Variants in BTBD9 observed in about 807,000 individuals in gnomAD.
BTBD9 encodes the protein BTB domain containing 9, also known as BTB/POZ domain-containing protein 9.
Under a neutral mutation model 64.3 loss-of-function variants are expected in BTBD9, and 49 were observed. That is an observed-to-expected ratio of 0.76 (90% CI 0.61 to 0.97). The LOEUF (loss-of-function observed/expected upper bound fraction) is 0.97. Among genes scored for constraint, BTBD9 ranks in the 50% least tolerant of loss-of-function variants. BTBD9 has a pLI of 0.00. For missense variants in BTBD9, 598 were observed against 762.1 expected, an observed-to-expected ratio of 0.78 and a Z score of 2.53; for synonymous variants, 260 against 274.7, an observed-to-expected ratio of 0.95 and a Z score of 0.53.
chr6:38,592,310 G>C (rs1028887440), intron 4 of BTBD9, among the ~76,000 whole-genome samples: 1 of 152,138 alleles, frequency 6.6e-6, no homozygotes, highest in Non-Finnish European at 1.5e-5. Flanking sequence ...TTAGGAAAGT[G>C]TCCATTTCTG....
At chr6:38,220,730 C>T (rs1421804582) in intron 9 of BTBD9, among the ~76,000 whole-genome samples, 1 of 152,216 alleles carries the variant, frequency 6.6e-6, no homozygotes. Flanking sequence ...AAGAGCCATA[C>T]ACTAAAAATG....
rs1370440023 is a variant in BTBD9 at position 38,539,092 on chromosome 6, AC to A, written c.1154+38507del. 2.6e-5 allele frequency among the ~76,000 whole-genome samples: 4 copies of A among 151,876 alleles called. No homozygotes were observed. The East Asian group carries it at 7.8e-4, about 29-fold the overall frequency. ...AAGTGCTGGGATTACAGCAAACCTA[AC>A]TAATTTTTAAGCTTTTTTTGGAGAG... On this transcript the variant is annotated intron_variant, in intron 6 of 10. Coordinates refer to ENST00000481247, the MANE Select transcript of BTBD9 (RefSeq NM_001099272.2).
At chr6:38,186,615 C>T (rs1327138652) in intron 10 of BTBD9, among the ~76,000 whole-genome samples, 1 of 152,144 alleles carries the variant, frequency 6.6e-6, no homozygotes, top group Non-Finnish European at 1.5e-5. Flanking sequence ...TTAACAGGTC[C>T]TCTATGCTTA....
intron 8 of BTBD9, among the ~76,000 whole-genome samples, chr6:38,256,750 C>T (rs1764592738): frequency 6.6e-6 from 1 of 152,248 alleles, no homozygotes; most frequent in South Asian, 2.1e-4. Context: ...CTCTGCCCCA[C>T]TGGTGGCAAA....
At chr6:38,586,760 A>C (rs1776549542) in intron 4 of BTBD9, among the ~76,000 whole-genome samples, 1 of 152,206 alleles carries the variant, frequency 6.6e-6, no homozygotes, top group South Asian at 2.1e-4. Context: ...CAATGTCATG[A>C]ATGTTAAGAT....
Position 38,546,927 on chromosome 6 carries a change from C to CA in BTBD9, c.1154+30672dup, listed in dbSNP as rs545353371. ...AGGCGATCCACCCACCTCAGCCTCC[C>CA]AAGTGTTGGGATTACAGGCATGAGC... On this transcript the variant is annotated intron_variant, in intron 6 of 10. Coordinates refer to ENST00000481247, the MANE Select transcript of BTBD9 (RefSeq NM_001099272.2). 4.8e-3 allele frequency among the ~76,000 whole-genome samples: 726 copies of CA among 152,258 alleles called. 2 individuals are homozygous for CA. Among genetic ancestry groups the CA allele is most frequent in the African/African-American group, 0.016 (676 of 41,544 alleles).
chr6:38,222,741 T>C (rs1461703363), intron 9 of BTBD9, among the ~76,000 whole-genome samples: 1 of 152,016 alleles, frequency 6.6e-6, no homozygotes, highest in Non-Finnish European at 1.5e-5. Flanking sequence ...GGGAACTATT[T>C]AGCAAAAATA....
intron 9 of BTBD9, among the ~76,000 whole-genome samples, chr6:38,210,536 TTGTGTGTGTGTGTGTGTGTG>T (rs71542165): frequency 6.8e-6 from 1 of 146,454 alleles, no homozygotes; most frequent in African/African-American, 2.5e-5. Context: ...GTGCGTGTGT[TTGTGTGTGTGTGTGTGTGTG>T]TGTGTGTGTG....
rs1372927833 is a variant in BTBD9, at chr6:38,175,008, A to T, written c.1816T>A (p.Ser606Thr). The change falls in exon 11 of 11, where the codon TCC becomes ACC. Residue 606 changes from serine (S) to threonine (T), a missense_variant. Physicochemically the swap from Ser to Thr is moderately conservative, Grantham distance 58 (BLOSUM62 1). Coordinates refer to ENST00000481247, the MANE Select transcript of BTBD9 (RefSeq NM_001099272.2). ...CTTTATTGGTGCTGCCGGTTGGGGG[A>T]GCGTGAGTTGGAGCCTGGGCTGGAG... is the stretch of plus-strand genomic sequence containing the variant. ...LPSSPGSNSR[S>T]PNRQHQ The T allele has an allele frequency of 6.2e-7, 1 of 1,613,748 alleles. No homozygotes were observed. The highest frequency in any genetic ancestry group is 8.5e-7 in the Non-Finnish European group (1 of 1,179,980).
At chr6:38,200,439 T>C (rs1049225084) in intron 9 of BTBD9, among the ~76,000 whole-genome samples, 5 of 152,066 alleles carry the variant, frequency 3.3e-5, no homozygotes, top group African/African-American at 9.7e-5. Context: ...TTAAATGAAA[T>C]AGAGACTACA....
intron 8 of BTBD9, among the ~76,000 whole-genome samples, chr6:38,266,678 G>GAAAGAAAGAAAGAAAGAAAGA (rs138593243): frequency 7.5e-6 from 1 of 133,014 alleles, no homozygotes; most frequent in African/African-American, 3.1e-5. Context: ...AAGAAAGAAA[G>GAAAGAAAGAAAGAAAGAAAGA]AAGAAAAAGA....
intron 6 of BTBD9, among the ~76,000 whole-genome samples, chr6:38,556,213 C>T (rs1367794995): frequency 6.6e-6 from 1 of 152,122 alleles, no homozygotes; most frequent in Non-Finnish European, 1.5e-5. Context: ...TAACATTCTA[C>T]ATTTTAATGT....
At chr6:38,278,172 T>A (rs1761353803) in intron 8 of BTBD9, among the ~76,000 whole-genome samples, 1 of 152,232 alleles carries the variant, frequency 6.6e-6, no homozygotes, top group African/African-American at 2.4e-5. Context: ...AGTCCCTATC[T>A]TGTTTCTCTG....
At chr6:38,349,420 T>C (rs371528431) in intron 6 of BTBD9, among the ~76,000 whole-genome samples, 29 of 152,268 alleles carry the variant, frequency 1.9e-4, no homozygotes, top group African/African-American at 5.8e-4. Flanking sequence ...TCCCCCCTTA[T>C]CTGTGGTTTT....
chr6:38,539,457 T>C (rs7767041), intron 6 of BTBD9, among the ~76,000 whole-genome samples: 31,157 of 152,168 alleles, frequency 0.2, 3,678 homozygotes, highest in Non-Finnish European at 0.29. Flanking sequence ...ATAGGACAGA[T>C]GGCTGATATT....
rs184672206 is a variant in BTBD9, at chr6:38,268,386, G to A, written c.1455-11870C>T. Among the ~76,000 whole-genome samples the A allele has an allele frequency of 2.1e-4, 32 of 152,250 alleles. 1 individual carries two copies. In the East Asian group the frequency reaches 5.4e-3, roughly 26 times the overall value. ...GTTTTCAGAAGAATCCGTATCTGTG[G>A]GAGAACTCACAATTTAGCTACATGC... On this transcript the variant is annotated intron_variant, in intron 8 of 10. Coordinates refer to ENST00000481247, the MANE Select transcript of BTBD9 (RefSeq NM_001099272.2).
chr6:38,535,937 G>A (rs2748162), intron 6 of BTBD9, among the ~76,000 whole-genome samples: 140,694 of 152,202 alleles, frequency 0.92, 65,188 homozygotes, highest in East Asian at 0.99. Context: ...GGAGGGAGCA[G>A]AGATTTCTTG....
intron 10 of BTBD9, among the ~76,000 whole-genome samples, chr6:38,190,367 G>A (rs1261885848): frequency 6.6e-6 from 1 of 151,024 alleles, no homozygotes; most frequent in Non-Finnish European, 1.5e-5. Flanking sequence ...TAACTGGGAG[G>A]CTGAGGCAGA....
At chr6:38,482,400 C>A (rs943894134) in intron 6 of BTBD9, 10 of 150,684 alleles carry the variant, frequency 6.6e-5, no homozygotes, top group African/African-American at 1.7e-4. Context: ...GTGAGGTGAT[C>A]CTTTCTCTTT....
Sources: allele counts gnomAD v4.1 joint callset (sites outside exome capture counted in the v4.1 genomes callset), GRCh38; gene constraint gnomAD v4.1.1; transcripts MANE v1.5; gene names NCBI Gene and HGNC (gene_info 2026-07-23, HGNC 2026-07-21).